HEBP1: variants seen among roughly 807,000 people sequenced by gnomAD.
The protein encoded by HEBP1 is heme binding protein 1.
Under a neutral mutation model 20.4 loss-of-function variants are expected in HEBP1, and 13 were observed. That is an observed-to-expected ratio of 0.64 (90% confidence interval 0.42 to 1.01). The LOEUF (loss-of-function observed/expected upper bound fraction) is 1.01, where lower values mean the gene tolerates loss of function less well. HEBP1 is among the 50% of genes least tolerant of loss of function. The pLI, the probability that HEBP1 is intolerant of heterozygous loss-of-function variation, is 0.00. For synonymous variants in HEBP1, 92 were observed against 90.7 expected (o/e 1.01, Z -0.08); for missense variants, 241 against 247.3 (o/e 0.97, Z 0.17).
intron 3 of HEBP1, chr12:12,984,034 C>A (rs796656807): frequency 5.5e-5 from 13 of 235,316 alleles, no homozygotes; most frequent in South Asian, 1.5e-4. Context: ...CAAACTGAAA[C>A]GTATCAAATA....
At chr12:12,987,080 G>C in intron 3 of HEBP1, 72 bp downstream of exon 3, 1 of 1,269,046 alleles carries the variant, frequency 7.9e-7, no homozygotes, top group Non-Finnish European at 1.1e-6. Context: ...GCGAATGCTT[G>C]CCAGAGGTGA....
At chr12:12,995,901 C>G (rs1864283283) in intron 1 of HEBP1, among the ~76,000 whole-genome samples, 1 of 152,182 alleles carries the variant, frequency 6.6e-6, no homozygotes, top group African/African-American at 2.4e-5. Flanking sequence ...TTTCAACATT[C>G]AGTGGGAACC....
At chr12:12,987,511 G>A (rs149895214) in intron 2 of HEBP1, among the ~76,000 whole-genome samples, 179 bp from the exon 3 acceptor site, 1,596 of 152,126 alleles carry the variant, frequency 0.01, 9 homozygotes, top group Middle Eastern at 0.017. Flanking sequence ...ATTTGTATAC[G>A]CTGTTGGTAG....
At chr12:12,983,158 C>A (rs1864107505) in intron 3 of HEBP1, among the ~76,000 whole-genome samples, 1 of 152,246 alleles carries the variant, frequency 6.6e-6, no homozygotes, top group South Asian at 2.1e-4. Flanking sequence ...GACCATCAAA[C>A]TTCTCCTGCT....
chr12:12,995,246 C>A (rs532435552), intron 1 of HEBP1, among the ~76,000 whole-genome samples: 5 of 152,204 alleles, frequency 3.3e-5, no homozygotes, highest in Non-Finnish European at 7.3e-5. Flanking sequence ...GCTGTACCTT[C>A]ATAACACAAT....
At chr12:12,983,033 G>A (rs1864106074) in intron 3 of HEBP1, among the ~76,000 whole-genome samples, 1 of 152,180 alleles carries the variant, frequency 6.6e-6, no homozygotes, top group Non-Finnish European at 1.5e-5. Flanking sequence ...AAGGTCCTAT[G>A]GCCACTGAAT....
At chr12:12,982,772 C>G (rs530362594) in intron 3 of HEBP1, among the ~76,000 whole-genome samples, 1 of 152,168 alleles carries the variant, frequency 6.6e-6, no homozygotes, top group South Asian at 2.1e-4. Flanking sequence ...GGTTCTAACC[C>G]AAGTGTATCT....
At chr12:12,991,905 CA>C (rs1864229533) in intron 1 of HEBP1, among the ~76,000 whole-genome samples, 2 of 152,172 alleles carry the variant, frequency 1.3e-5, no homozygotes, top group African/African-American at 4.8e-5. Flanking sequence ...ATAGTTTTAA[CA>C]ATCTGCAATA....
rs1864339802 is a variant in HEBP1, at chr12:13,000,240, G to GGGCGGCAGGGCGGCAA, written c.-127_-126insTTGCCGCCCTGCCGCC. The GGGCGGCAGGGCGGCAA allele has an allele frequency of 8.1e-6, 3 of 371,484 alleles. No homozygotes were observed. Among genetic ancestry groups the GGGCGGCAGGGCGGCAA allele is most frequent in the Middle Eastern group, 8.7e-4 (2 of 2,306 alleles). The allele number at this position is 371,484 out of a possible 1,614,324, so 23.0% of individuals were successfully genotyped here. ...AGGGCGGCAGGGCGGCAGGGTGGCAGGGCGGCAAGGCGGCGGGACGGCGAG... is the reference window on the plus strand; with the variant it reads ...AGGGCGGCAGGGCGGCAGGGTGGCAGGGCGGCAGGGCGGCAAGGCGGCAAGGCGGCGGGACGGCGAG... On this transcript the variant is annotated 5_prime_UTR_variant, in exon 1 of 4. Coordinates refer to ENST00000014930, the MANE Select transcript of HEBP1 (RefSeq NM_015987.5).
At chr12:12,985,488 G>C (rs1332389472) in intron 3 of HEBP1, among the ~76,000 whole-genome samples, 1 of 151,492 alleles carries the variant, frequency 6.6e-6, no homozygotes, top group Non-Finnish European at 1.5e-5. Flanking sequence ...AAAAGTTAAA[G>C]ACAAAAGAAA....
chr12:12,988,291 T>G (rs1207410407), intron 2 of HEBP1, among the ~76,000 whole-genome samples: 1 of 152,220 alleles, frequency 6.6e-6, no homozygotes, highest in East Asian at 1.9e-4. Flanking sequence ...TTTAGTGAGT[T>G]TTATAATTCT....
Position 12,986,820 on chromosome 12 carries a change from AC to A in HEBP1, c.398+331del, listed in dbSNP as rs1864158329. The A allele has an allele frequency of 4.9e-5, 10 of 203,048 alleles. 1 individual carries two copies. The South Asian group carries it at 1.2e-3, about 25-fold the overall frequency. The allele number at this position is 203,048 out of a possible 1,614,324, so 12.6% of individuals were successfully genotyped here. On this transcript the variant is annotated intron_variant, in intron 3 of 3. Transcript: ENST00000014930. The surrounding 1 kb of genome is among the most constrained non-coding windows in gnomAD (Gnocchi z 4.3). ...AGCCCTTTATGCTTCCCATGTGTCC[AC>A]GAATCCAGACCATGGCTTGACTTAA...
In HEBP1 at chr12:13,000,229, G is replaced by GCAGGGCGGCAGGGCGT. The variant is rs950039098; in HGVS notation, c.-116_-115insACGCCCTGCCGCCCTG. The GCAGGGCGGCAGGGCGT allele has an allele frequency of 2.6e-6, 1 of 384,138 alleles. No homozygotes were observed. Among genetic ancestry groups the GCAGGGCGGCAGGGCGT allele is most frequent in the Non-Finnish European group, 4.6e-6 (1 of 217,336 alleles). The allele number at this position is 384,138 out of a possible 1,614,324, so 23.8% of individuals were successfully genotyped here. ...GGCAGGGCGGCAGGGCGGCAGGGCGGCAGGGTGGCAGGGCGGCAAGGCGGC... is the reference window on the plus strand; with the variant it reads ...GGCAGGGCGGCAGGGCGGCAGGGCGGCAGGGCGGCAGGGCGTCAGGGTGGCAGGGCGGCAAGGCGGC... On this transcript the variant is annotated 5_prime_UTR_variant, in exon 1 of 4. Transcript: ENST00000014930.
At position 12,986,536 on chromosome 12, in the gene HEBP1, G is replaced by A. The variant is rs1864154923; in HGVS notation, c.398+616C>T. 6.6e-6 allele frequency: 1 copy of A among 152,244 alleles called. No homozygotes were observed. Among genetic ancestry groups the A allele is most frequent in the Admixed American group, 6.5e-5 (1 of 15,282 alleles). The allele number at this position is 152,244 out of a possible 1,614,324, so 9.4% of individuals were successfully genotyped here. On this transcript the variant is annotated intron_variant, in intron 3 of 3. Coordinates refer to ENST00000014930, the MANE Select transcript of HEBP1 (RefSeq NM_015987.5). The surrounding 1 kb of genome is among the most constrained non-coding windows in gnomAD (Gnocchi z 4.3). Reference sequence around the variant, plus strand: ...GTGAGGAGTCATCAATGATCTAGAAGACTTGGTTTCTGAGGGCAGTTTGGA... The same window carrying A: ...GTGAGGAGTCATCAATGATCTAGAAAACTTGGTTTCTGAGGGCAGTTTGGA...
chr12:12,990,334 A>T (rs1481172396), intron 1 of HEBP1, among the ~76,000 whole-genome samples: 1 of 114,906 alleles, frequency 8.7e-6, no homozygotes, highest in East Asian at 3.1e-4. Flanking sequence ...ATGCCCTGCT[A>T]ATTAAAAAAA....
chr12:12,987,612 T>TCTCTCTCTCTCTC lies in HEBP1; in HGVS notation c.218-281_218-280insGAGAGAGAGAGAG, dbSNP rs1230851526. Among the ~76,000 whole-genome samples the TCTCTCTCTCTCTC allele has an allele frequency of 1.6e-3, 185 of 117,828 alleles. 4 individuals are homozygous for TCTCTCTCTCTCTC. The highest frequency in any genetic ancestry group is 5.3e-3 in the African/African-American group (173 of 32,600). 77.3% of individuals were successfully genotyped at this position (117,828 alleles called of 152,430 possible). On this transcript the variant is annotated intron_variant, in intron 2 of 3. Coordinates refer to ENST00000014930, the MANE Select transcript of HEBP1 (RefSeq NM_015987.5). Reference sequence around the variant, plus strand: ...TCTTTCTCTCTCTCTCTCTCTCTCTTTCTCTCTCTCTCTCTCTCTCTCTTT... The same window carrying TCTCTCTCTCTCTC: ...TCTTTCTCTCTCTCTCTCTCTCTCTTCTCTCTCTCTCTCTCTCTCTCTCTCTCTCTCTCTCTTT...
intron 3 of HEBP1, among the ~76,000 whole-genome samples, chr12:12,976,904 G>GT (rs928052722): frequency 6.6e-6 from 1 of 152,206 alleles, no homozygotes; most frequent in African/African-American, 2.4e-5. Flanking sequence ...AGACACTGGA[G>GT]TTTTTTATGA....
intron 1 of HEBP1, among the ~76,000 whole-genome samples, chr12:12,993,965 G>T (rs1864261338): frequency 6.6e-6 from 1 of 152,166 alleles, no homozygotes; most frequent in African/African-American, 2.4e-5. Flanking sequence ...CTTTGAGGTG[G>T]TCACAGATCA....
chr12:12,976,386 C>G (rs923854764), intron 3 of HEBP1, among the ~76,000 whole-genome samples: 1 of 152,210 alleles, frequency 6.6e-6, no homozygotes, highest in Non-Finnish European at 1.5e-5. Flanking sequence ...TCATGTGCTT[C>G]TGTTCCAAAA....
Sources: gnomAD v4.1 joint callset for allele counts (sites outside exome capture counted in the v4.1 genomes callset) on GRCh38, gnomAD v4.1.1 for gene constraint, Gnocchi (gnomAD v3.1) non-coding constraint, MANE v1.5 for transcripts, NCBI Gene and HGNC (gene_info 2026-07-23, HGNC 2026-07-21) for gene names.